OPCML: variants seen among roughly 807,000 people sequenced by gnomAD.
OPCML encodes the protein opioid-binding protein/cell adhesion molecule.
OPCML carries 13 observed loss-of-function variants against 37.8 expected under a neutral mutation model. That is an observed-to-expected ratio of 0.34 (90% confidence interval 0.22 to 0.55). The LOEUF (loss-of-function observed/expected upper bound fraction) is 0.55. Ranked by LOEUF, OPCML falls within the 20% of genes least tolerant of loss-of-function variation. OPCML has a pLI of 0.91. For synonymous variants in OPCML, 176 were observed against 168.8 expected (o/e 1.04, Z -0.33); for missense variants, 341 against 435.6 (o/e 0.78, Z 1.93).
At chr11:133,372,839 C>G (rs1944702718) in intron 1 of OPCML, among the ~76,000 whole-genome samples, 1 of 152,154 alleles carries the variant, frequency 6.6e-6, no homozygotes, top group Non-Finnish European at 1.5e-5. Flanking sequence ...TCTCAGGTAT[C>G]TCTTGCTTCC....
intron 1 of OPCML, among the ~76,000 whole-genome samples, chr11:132,977,599 T>A (rs551637845): frequency 6.6e-6 from 1 of 152,214 alleles, no homozygotes; most frequent in Non-Finnish European, 1.5e-5. Flanking sequence ...ACCCCTGTCA[T>A]CTGGTCCTTG....
chr11:132,587,241 T>C (rs568914496), intron 3 of OPCML, among the ~76,000 whole-genome samples: 115 of 152,320 alleles, frequency 7.5e-4, no homozygotes, highest in Non-Finnish European at 1.5e-3. Flanking sequence ...ACATAACATC[T>C]CCAACAGAGA....
intron 3 of OPCML, among the ~76,000 whole-genome samples, chr11:132,614,378 C>T (rs1431903911): frequency 6.6e-6 from 1 of 152,196 alleles, no homozygotes; most frequent in Non-Finnish European, 1.5e-5. Context: ...CTAGCCAACT[C>T]TTCGTTTAAT....
intron 2 of OPCML, among the ~76,000 whole-genome samples, chr11:132,853,184 TTA>T (rs1941893412): frequency 6.6e-6 from 1 of 152,192 alleles, no homozygotes; most frequent in South Asian, 2.1e-4. Flanking sequence ...TTATTGCCAG[TTA>T]TAAAATTTGA....
chr11:133,276,491 A>G (rs2136495561), intron 1 of OPCML, among the ~76,000 whole-genome samples: 1 of 152,344 alleles, frequency 6.6e-6, no homozygotes, highest in Admixed American at 6.5e-5. Context: ...ACCTACCCAG[A>G]TATGGCGATA....
At position 133,201,867 on chromosome 11, in the gene OPCML, T is replaced by G. The variant is rs141391905; in HGVS notation, c.62-258857A>C. Among the ~76,000 whole-genome samples the G allele has an allele frequency of 6.6e-5, 10 of 152,358 alleles. No individual in the cohort carries two copies. The East Asian group carries it at 1.9e-3, about 29-fold the overall frequency. On this transcript the variant is annotated intron_variant, in intron 1 of 7. Coordinates refer to ENST00000524381, the MANE Select transcript of OPCML (RefSeq NM_001012393.5). ...AACTTATCTGCCAGTATTTACCTCC[T>G]AACTTTTTAGGTCAGTATTTCATGC...
intron 1 of OPCML, among the ~76,000 whole-genome samples, chr11:133,370,050 C>A (rs1304195233): frequency 6.6e-6 from 1 of 152,066 alleles, no homozygotes; most frequent in Non-Finnish European, 1.5e-5. Flanking sequence ...GCACATGAAA[C>A]AAAGTTTTGA....
chr11:133,083,200 G>C (rs1403169259), intron 1 of OPCML, among the ~76,000 whole-genome samples: 2 of 152,176 alleles, frequency 1.3e-5, no homozygotes, highest in African/African-American at 4.8e-5. Flanking sequence ...CTGGGGCGCC[G>C]CTCGCTTTGC....
chr11:132,993,935 A>G (rs1025306239), intron 1 of OPCML, among the ~76,000 whole-genome samples: 15 of 152,166 alleles, frequency 9.9e-5, no homozygotes, highest in African/African-American at 3.4e-4. Flanking sequence ...CGAGTTGAAC[A>G]CACTGCACAA....
At chr11:132,871,156 T>C (rs896335900) in intron 2 of OPCML, among the ~76,000 whole-genome samples, 5 of 152,052 alleles carry the variant, frequency 3.3e-5, no homozygotes, top group Non-Finnish European at 7.4e-5. Context: ...AAACAACATG[T>C]TGTACAAGAT....
chr11:132,544,217 C>T lies in OPCML; in HGVS notation c.380-15031G>A, dbSNP rs561092215. 1.0e-4 allele frequency among the ~76,000 whole-genome samples: 15 copies of T among 150,132 alleles called. 1 individual carries two copies. Among genetic ancestry groups the T allele is most frequent in the South Asian group, 8.4e-4 (4 of 4,780 alleles). ...GCTCCAGCAAAAAGCAATTAAAGCA[C>T]GTGAAAAAAAAAATGGCTTCCCAGT... On this transcript the variant is annotated intron_variant, in intron 3 of 7. Coordinates refer to ENST00000524381, the MANE Select transcript of OPCML (RefSeq NM_001012393.5).
intron 4 of OPCML, among the ~76,000 whole-genome samples, chr11:132,479,394 A>G (rs563573105): frequency 4.6e-5 from 7 of 152,318 alleles, no homozygotes; most frequent in African/African-American, 1.7e-4. Flanking sequence ...AATCTCGCTG[A>G]TTGCTAGCAC....
intron 3 of OPCML, among the ~76,000 whole-genome samples, chr11:132,630,533 T>TGC (rs941780190): frequency 1.9e-4 from 29 of 152,136 alleles, no homozygotes; most frequent in African/African-American, 6.8e-4. Flanking sequence ...AATATGTGTG[T>TGC]GTGTGTGTGT....
chr11:132,668,481 G>T (rs1273183792), intron 2 of OPCML, among the ~76,000 whole-genome samples: 2 of 152,116 alleles, frequency 1.3e-5, no homozygotes, highest in African/African-American at 4.8e-5. Context: ...TTTCCTCATG[G>T]CATTACACAG....
chr11:133,460,815 T>C (rs1191434148), intron 1 of OPCML, among the ~76,000 whole-genome samples: 1 of 151,902 alleles, frequency 6.6e-6, no homozygotes, highest in Non-Finnish European at 1.5e-5. Context: ...AAGGAATGCT[T>C]CCTAATTCTC....
chr11:133,202,505 A>G (rs1938841947), intron 1 of OPCML, among the ~76,000 whole-genome samples: 1 of 152,208 alleles, frequency 6.6e-6, no homozygotes, highest in African/African-American at 2.4e-5. Flanking sequence ...CAACACAGAA[A>G]GACCCCAGTA....
intron 1 of OPCML, among the ~76,000 whole-genome samples, chr11:133,112,337 C>T (rs1541879): frequency 0.5 from 69,612 of 138,384 alleles, 17,645 homozygotes; most frequent in Admixed American, 0.54. Flanking sequence ...TATCTCATAT[C>T]ACTTGGAAAA....
intron 1 of OPCML, among the ~76,000 whole-genome samples, chr11:133,098,578 A>T (rs1189890509): frequency 6.6e-6 from 1 of 152,172 alleles, no homozygotes; most frequent in African/African-American, 2.4e-5. Context: ...AAAGCAGAAA[A>T]ATCACACAAT....
rs377721811 is a variant in OPCML, at chr11:133,125,371, C to T, written c.62-182361G>A. Among the ~76,000 whole-genome samples, 5 of 152,084 alleles carry T rather than the reference C, an allele frequency of 3.3e-5. No homozygotes were observed. The East Asian group carries it at 7.7e-4, about 24-fold the overall frequency. ...CTATCTCTTTTTCTCTTCCTCTCTA[C>T]CCCACCAATGCTGCAAACATTCTAG... On this transcript the variant is annotated intron_variant, in intron 1 of 7. Transcript: ENST00000524381.
Sources: gnomAD v4.1 joint callset for allele counts (sites outside exome capture counted in the v4.1 genomes callset) on GRCh38, gnomAD v4.1.1 for gene constraint, MANE v1.5 for transcripts, NCBI Gene and HGNC (gene_info 2026-07-23, HGNC 2026-07-21) for gene names.